The following GSTM2 variants were observed in gnomAD, a reference collection of about 807,000 sequenced individuals.
The protein encoded by GSTM2 is glutathione S-transferase mu 2.
In GSTM2, 33 loss-of-function variants were observed where a neutral mutation model predicts 33.3. The observed-to-expected ratio is 0.99, with a 90% CI of 0.75 to 1.33. The LOEUF is 1.33. Among genes scored for constraint, GSTM2 ranks in the 40% most tolerant of loss-of-function variants. The pLI, the probability that GSTM2 is intolerant of heterozygous loss-of-function variation, is 0.00. For missense variants in GSTM2, 213 were observed against 265.8 expected (o/e 0.80, Z 1.38); for synonymous variants, 93 against 95.6 (o/e 0.97, Z 0.16).
At chr1:109,678,786 A>T (rs1291950220), downstream of GSTM2, among the ~76,000 whole-genome samples, 1 of 151,634 alleles carries the variant, frequency 6.6e-6, no homozygotes, top group Non-Finnish European at 1.5e-5. Context: ...CAAACTGTAT[A>T]TGTTGGCAGT....
chr1:109,669,452 A>G lies in GSTM2; in HGVS notation c.260-19A>G. 6.2e-7 allele frequency: 1 copy of G among 1,613,738 alleles called. No homozygotes were observed. Among genetic ancestry groups the G allele is most frequent in the Non-Finnish European group, 8.5e-7 (1 of 1,179,618 alleles). On this transcript the variant is annotated intron_variant, in intron 4 of 7. Coordinates refer to ENST00000241337, the MANE Select transcript of GSTM2 (RefSeq NM_000848.4). ...GGCTGGGCTGTGAGGCTGAGAGTGA[A>G]TCTGCTTTACGAGGGTAGGCGGGGA...
chr1:109,672,693 C>T (rs571264102), intron 7 of GSTM2, among the ~76,000 whole-genome samples: 1 of 152,310 alleles, frequency 6.6e-6, no homozygotes, highest in African/African-American at 2.4e-5. Context: ...CAATACTGAA[C>T]CCACAGGCAG....
chr1:109,676,000 C>G (rs1647694913), downstream of GSTM2, among the ~76,000 whole-genome samples: 1 of 152,204 alleles, frequency 6.6e-6, no homozygotes, highest in Non-Finnish European at 1.5e-5. Flanking sequence ...GAATGAGGAC[C>G]AAAGTAATGT....
At chr1:109,678,282 C>T (rs1157894840), downstream of GSTM2, among the ~76,000 whole-genome samples, 4 of 152,022 alleles carry the variant, frequency 2.6e-5, no homozygotes, top group African/African-American at 9.7e-5. Flanking sequence ...GTAGCTGGGA[C>T]TACAGGCATA....
intron 5 of GSTM2, 44 bp downstream of exon 5, chr1:109,669,615 C>A: frequency 8.4e-7 from 1 of 1,197,536 alleles, no homozygotes; most frequent in Non-Finnish European, 1.2e-6. Flanking sequence ...TCCCTACTCC[C>A]AGTCTCCCCT....
chr1:109,673,207 TC>T, intron 7 of GSTM2: 1 of 1,611,882 alleles, frequency 6.2e-7, no homozygotes, highest in Non-Finnish European at 8.5e-7. Flanking sequence ...TTCCAGGTGT[TC>T]CCCCTGTGAG....
chr1:109,674,078 G>A (rs1647638462), intron 7 of GSTM2, among the ~76,000 whole-genome samples: 3 of 152,104 alleles, frequency 2.0e-5, no homozygotes, highest in Non-Finnish European at 2.9e-5. Context: ...GCCTAGTCTC[G>A]CCTTTGATTT....
intron 7 of GSTM2, among the ~76,000 whole-genome samples, chr1:109,673,846 G>C (rs1298157399): frequency 6.6e-6 from 1 of 152,168 alleles, no homozygotes; most frequent in African/African-American, 2.4e-5. Context: ...TGATCCACTC[G>C]TCTCGGCCTT....
chr1:109,677,900 T>C (rs1647743912), downstream of GSTM2, among the ~76,000 whole-genome samples: 1 of 152,236 alleles, frequency 6.6e-6, no homozygotes, highest in African/African-American at 2.4e-5. Context: ...TCATAAGATA[T>C]CAACATCATA....
intron 2 of GSTM2, 162 bp downstream of exon 2, chr1:109,668,662 C>A: frequency 1.1e-6 from 1 of 902,214 alleles, no homozygotes; most frequent in Non-Finnish European, 1.8e-6. Flanking sequence ...AGGCAGAATG[C>A]TGGGGCGGGA....
At chr1:109,668,397 G>C (rs779504386) in intron 1 of GSTM2, 28 bp from the exon 2 acceptor site, 3 of 1,611,830 alleles carry the variant, frequency 1.9e-6, no homozygotes, top group African/African-American at 2.7e-5. Flanking sequence ...CTCCATCTCT[G>C]ACCCGAGCTG....
chr1:109,668,715 G>A (rs1195248853), intron 2 of GSTM2: 2 of 793,276 alleles, frequency 2.5e-6, no homozygotes, highest in Non-Finnish European at 4.2e-6. Flanking sequence ...TGTCCCTCAG[G>A]GCTTGCCTAA....
chr1:109,671,240 G>GC, intron 5 of GSTM2, 47 bp from the exon 6 acceptor site: 1 of 1,391,696 alleles, frequency 7.2e-7, no homozygotes, highest in Non-Finnish European at 1.0e-6. Context: ...CCGCATCTGT[G>GC]CAGGGAGCTT....
At chr1:109,674,455 CG>C (rs1647649523) in intron 7 of GSTM2, among the ~76,000 whole-genome samples, 2 of 152,178 alleles carry the variant, frequency 1.3e-5, no homozygotes, top group Middle Eastern at 3.2e-3. Context: ...GCAGAGTAGT[CG>C]AGTGGGTTTT....
At chr1:109,680,366 A>G (rs573919734) in intron 7 of GSTM2, among the ~76,000 whole-genome samples, 1 of 151,654 alleles carries the variant, frequency 6.6e-6, no homozygotes, top group African/African-American at 2.4e-5. Context: ...ACGCTGCAGC[A>G]TATCTATTAC....
At chr1:109,682,871 T>G (rs996012343) in intron 7 of GSTM2, among the ~76,000 whole-genome samples, 3 of 115,992 alleles carry the variant, frequency 2.6e-5, no homozygotes, top group African/African-American at 7.9e-5. Context: ...TACATTTTAT[T>G]TTGTCTGTCA....
chr1:109,669,532 C>T lies in GSTM2; in HGVS notation c.321C>T (p.Ser107=). ...TTTTGGAGAACCAGTTTATGGACAG[C>T]CGTATGCAGCTGGCCAAACTCTGCT... ...EDILENQFMD[S]RMQLAKLCYD... The change falls in exon 5 of 8, where the codon AGC becomes AGT. Residue 107 remains serine, a synonymous_variant. Transcript: ENST00000241337. 6.2e-7 allele frequency: 1 copy of T among 1,612,546 alleles called. No homozygotes were observed. Among genetic ancestry groups the T allele is most frequent in the Non-Finnish European group, 8.5e-7 (1 of 1,178,658 alleles).
At chr1:109,673,582 G>T in intron 7 of GSTM2, 1 of 313,166 alleles carries the variant, frequency 3.2e-6, no homozygotes, top group Non-Finnish European at 6.1e-6. Context: ...GGTGGGAAGG[G>T]AGGGATGGAG....
downstream of GSTM2, among the ~76,000 whole-genome samples, chr1:109,678,773 A>C (rs945726339): frequency 2.0e-5 from 3 of 151,954 alleles, no homozygotes; most frequent in Admixed American, 6.6e-5. Context: ...AAAAAAAAAA[A>C]AACAAACTGT....
Sources: allele counts gnomAD v4.1 joint callset (sites outside exome capture counted in the v4.1 genomes callset), GRCh38; gene constraint gnomAD v4.1.1; transcripts MANE v1.5; gene names NCBI Gene and HGNC (gene_info 2026-07-23, HGNC 2026-07-21).